TNRC18: variants seen among roughly 807,000 people sequenced by gnomAD.
TNRC18 encodes the protein trinucleotide repeat-containing gene 18 protein.
TNRC18 carries 69 observed loss-of-function variants against 226.7 expected under a neutral mutation model. That is an observed-to-expected ratio of 0.30 (90% CI 0.25 to 0.37). The LOEUF is 0.37. Among genes scored for constraint, TNRC18 ranks in the 10% least tolerant of loss-of-function variants. TNRC18 has a pLI of 1.00. For synonymous variants in TNRC18, 2,449 were observed against 1,927.6 expected, an observed-to-expected ratio of 1.27 and a Z score of -7.09; for missense variants, 4,754 against 4,256.6, an observed-to-expected ratio of 1.12 and a Z score of -3.25.
chr7:5,384,864 G>GAGCA (rs1779647171), intron 5 of TNRC18, among the ~76,000 whole-genome samples: 1 of 152,244 alleles, frequency 6.6e-6, no homozygotes, highest in African/African-American at 2.4e-5. Flanking sequence ...GCTCCACACA[G>GAGCA]AGCAGTGTGT....
At chr7:5,345,952 A>C in intron 17 of TNRC18, 142 bp from the exon 18 acceptor site, 5 of 1,243,028 alleles carry the variant, frequency 4.0e-6, no homozygotes, top group Non-Finnish European at 5.4e-6. Context: ...GTGGATGCAG[A>C]CCCAGCCCAC....
Position 5,341,547 on chromosome 7 carries a change from T to A in TNRC18, c.5719+4015A>T, listed in dbSNP as rs575997872. Reference sequence around the variant, plus strand: ...GGGAGGCCAAGGCAGGAGGATCATTTGAGGTCAGGAGTTCAAGACCAGCTG... The same window carrying A: ...GGGAGGCCAAGGCAGGAGGATCATTAGAGGTCAGGAGTTCAAGACCAGCTG... On this transcript the variant is annotated intron_variant, in intron 18 of 29. Transcript: ENST00000430969. Among the ~76,000 whole-genome samples the A allele has an allele frequency of 2.5e-3, 387 of 152,074 alleles. 1 individual carries two copies. The highest frequency in any genetic ancestry group is 3.9e-3 in the Non-Finnish European group (265 of 67,990).
rs759231738 is a variant in TNRC18, at chr7:5,312,490, C to T, written c.8388+13G>A. The T allele has an allele frequency of 5.6e-6, 9 of 1,609,180 alleles. No individual in the cohort carries two copies. Among genetic ancestry groups the T allele is most frequent in the African/African-American group, 1.3e-5 (1 of 74,952 alleles). On this transcript the variant is annotated intron_variant, in intron 27 of 29. Transcript: ENST00000430969. This position sits in a 1 kb window ranked among gnomAD's most constrained non-coding sequence, Gnocchi z 6.3. ...CCGGCCCCTCGGCCGTGCCCGGGCGCGAGCTTGCTCACCTGGGTGGGCTTG... is the reference window on the plus strand; with the variant it reads ...CCGGCCCCTCGGCCGTGCCCGGGCGTGAGCTTGCTCACCTGGGTGGGCTTG...
intron 17 of TNRC18, among the ~76,000 whole-genome samples, chr7:5,349,557 G>C (rs531007356): frequency 1.3e-5 from 2 of 152,218 alleles, no homozygotes; most frequent in African/African-American, 4.8e-5. Flanking sequence ...ACCCCGAGGA[G>C]GGAGGTGCAC....
rs777969132 is a variant in TNRC18 at position 5,388,385 on chromosome 7, C to T, written c.1439G>A (p.Arg480His). The change falls in exon 5 of 30, where the codon CGC (arginine) becomes CAC (histidine). Residue 480 changes from arginine (R) to histidine (H), a missense_variant. Transcript: ENST00000430969. ...ADPRPCERAP[R>H]GPAGPAAQQA... ...TTGGGCTGCAGGACCGGCTGGGCCG[C>T]GGGGCGCACGCTCGCAGGGCCTCGG... is the stretch of plus-strand genomic sequence containing the variant. 1.3e-6 allele frequency: 2 copies of T among 1,524,996 alleles called. No homozygotes were observed. The highest frequency in any genetic ancestry group is 1.2e-5 in the South Asian group (1 of 81,694). The allele number at this position is 1,524,996 out of a possible 1,614,324, so 94.5% of individuals were successfully genotyped here.
chr7:5,345,548 C>G lies in TNRC18; in HGVS notation c.5719+14G>C, dbSNP rs865810620. On this transcript the variant is annotated intron_variant, in intron 18 of 29. Transcript: ENST00000430969. Reference sequence around the variant, plus strand: ...CCCACCCACCCCCACCGCAGCCCACCTGCTGCCACTTACCCAGCAGGCTCT... The same window carrying G: ...CCCACCCACCCCCACCGCAGCCCACGTGCTGCCACTTACCCAGCAGGCTCT... 5 of 1,454,466 alleles carry G rather than the reference C, an allele frequency of 3.4e-6. No individual in the cohort carries two copies. In the African/African-American group the frequency reaches 7.2e-5, roughly 21 times the overall value. 90.1% of individuals were successfully genotyped at this position (1,454,466 alleles called of 1,614,324 possible). A position where few individuals can be genotyped will look rare whatever the true frequency, so the allele number is the denominator to read the frequency against.
intron 9 of TNRC18, among the ~76,000 whole-genome samples, chr7:5,374,861 C>A (rs566235070): frequency 6.6e-5 from 10 of 152,358 alleles, no homozygotes; most frequent in Non-Finnish European, 1.2e-4. Context: ...GCACTCACTA[C>A]CTGCTAAACC....
chr7:5,336,050 T>C (rs1488438917), intron 18 of TNRC18, among the ~76,000 whole-genome samples: 4 of 151,422 alleles, frequency 2.6e-5, no homozygotes, highest in Non-Finnish European at 5.9e-5. Context: ...CTACAAAAAA[T>C]ACAAAAATTA....
chr7:5,394,982 G>A lies in TNRC18; in HGVS notation c.188-387C>T, dbSNP rs529592137. ...AGTCGGTGGCGCACTGGGACTTCCA[G>A]AGGCCACAGGGCAAGGCGGTGGGGG... On this transcript the variant is annotated intron_variant, in intron 2 of 29. Transcript: ENST00000430969. This position sits in a 1 kb window ranked among gnomAD's most constrained non-coding sequence, Gnocchi z 4.5. Among the ~76,000 whole-genome samples, 92 of 152,272 alleles carry A rather than the reference G, an allele frequency of 6.0e-4. No individual in the cohort carries two copies. In the South Asian group the frequency reaches 0.01, roughly 17 times the overall value.
intron 24 of TNRC18, 118 bp downstream of exon 24, chr7:5,320,200 A>G: frequency 1.3e-6 from 1 of 768,022 alleles, no homozygotes; most frequent in East Asian, 2.7e-5. Flanking sequence ...TACAGTTTTC[A>G]GTTATGTGAG....
chr7:5,335,201 G>C (rs1789969526), intron 18 of TNRC18, among the ~76,000 whole-genome samples: 1 of 150,892 alleles, frequency 6.6e-6, no homozygotes, highest in Non-Finnish European at 1.5e-5. Context: ...TACTCGGGAG[G>C]CTTAGGCAGG....
chr7:5,381,994 A>G (rs1779428963), intron 5 of TNRC18, among the ~76,000 whole-genome samples: 1 of 152,070 alleles, frequency 6.6e-6, no homozygotes, highest in African/African-American at 2.4e-5. Flanking sequence ...TAAATAATAA[A>G]AATAAAAAAT....
rs866570424 is a variant in TNRC18, at chr7:5,320,151, G to A, written c.6745+167C>T. 3.1e-5 allele frequency: 19 copies of A among 611,254 alleles called. 1 individual carries two copies. Among genetic ancestry groups the A allele is most frequent in the Middle Eastern group, 4.4e-4 (1 of 2,272 alleles). 37.9% of individuals were successfully genotyped at this position (611,254 alleles called of 1,614,324 possible). A position where few individuals can be genotyped will look rare whatever the true frequency, so the allele number is the denominator to read the frequency against. On this transcript the variant is annotated intron_variant, in intron 24 of 29. Transcript: ENST00000430969. Reference sequence around the variant, plus strand: ...TCAGAGCTGGAGTCCTGATGACATCGTTTAAATGGTGCCTGGATCCAATCA... The same window carrying A: ...TCAGAGCTGGAGTCCTGATGACATCATTTAAATGGTGCCTGGATCCAATCA...
chr7:5,358,607 AG>A (rs1192662548), intron 15 of TNRC18, among the ~76,000 whole-genome samples: 2 of 152,132 alleles, frequency 1.3e-5, no homozygotes, highest in East Asian at 3.9e-4. Flanking sequence ...TGAGGTCAGG[AG>A]TTCGAGGCCA....
At chr7:5,323,568 G>GTTGTTT (rs1554272396) in intron 21 of TNRC18, among the ~76,000 whole-genome samples, 1 of 122,272 alleles carries the variant, frequency 8.2e-6, no homozygotes, top group East Asian at 2.4e-4. Context: ...GCACCAGACA[G>GTTGTTT]TTTTTTTTTT....
intron 2 of TNRC18, among the ~76,000 whole-genome samples, chr7:5,416,105 CTCT>C (rs1782167588): frequency 1.2e-4 from 16 of 128,832 alleles, no homozygotes; most frequent in African/African-American, 1.2e-4. Context: ...GAGCAAGACT[CTCT>C]CGCAAAAAAA....
intron 29 of TNRC18, among the ~76,000 whole-genome samples, chr7:5,308,550 A>G (rs1482152182): frequency 6.6e-6 from 1 of 152,180 alleles, no homozygotes. Flanking sequence ...ACGCAGAGAG[A>G]CAGAGACCGA....
chr7:5,325,910 T>C (rs1238219992), intron 19 of TNRC18, among the ~76,000 whole-genome samples: 6 of 151,742 alleles, frequency 4.0e-5, no homozygotes, highest in African/African-American at 1.5e-4. Context: ...TAAGTTTTTA[T>C]TTTTTTAGAG....
chr7:5,346,105 G>A (rs1197179350), intron 17 of TNRC18, among the ~76,000 whole-genome samples: 1 of 152,276 alleles, frequency 6.6e-6, no homozygotes. Flanking sequence ...TGCTGTGGCA[G>A]GGGCCAGACA....
Sources: allele counts gnomAD v4.1 joint callset (sites outside exome capture counted in the v4.1 genomes callset), GRCh38; gene constraint gnomAD v4.1.1; non-coding constraint Gnocchi (gnomAD v3.1); transcripts MANE v1.5; gene names NCBI Gene and HGNC (gene_info 2026-07-23, HGNC 2026-07-21).